Variants in LAMC2 observed in about 807,000 individuals in gnomAD.
The protein encoded by LAMC2 is laminin subunit gamma-2.
LAMC2 carries 97 observed loss-of-function variants against 140.2 expected under a neutral mutation model. That is an observed-to-expected ratio of 0.69 (90% CI 0.59 to 0.82). LAMC2 has a LOEUF of 0.82. Among genes scored for constraint, LAMC2 ranks in the 40% least tolerant of loss-of-function variants. The probability of loss-of-function intolerance (pLI) is 0.00; values close to 1 mark genes in which losing one functional copy is unlikely to be tolerated. For synonymous variants in LAMC2, 513 were observed against 540.2 expected (o/e 0.95, Z 0.70); for missense variants, 1,402 against 1,476.1 (o/e 0.95, Z 0.82).
In LAMC2 at chr1:183,237,333, G is replaced by T. The variant is rs1450452329; in HGVS notation, c.2602-19G>T. ...CTGGTAAGCAGAAGTCAGACTCCCT[G>T]GTTTCTTTGGGCTCATAGGTGGAAG... On this transcript the variant is annotated intron_variant, in intron 17 of 22. Coordinates refer to ENST00000264144, the MANE Select transcript of LAMC2 (RefSeq NM_005562.3). 1.2e-6 allele frequency: 2 copies of T among 1,613,800 alleles called. No homozygotes were observed. Among genetic ancestry groups the T allele is most frequent in the Non-Finnish European group, 1.7e-6 (2 of 1,179,848 alleles).
intron 1 of LAMC2, among the ~76,000 whole-genome samples, chr1:183,201,821 A>G (rs530497168): frequency 6.6e-6 from 1 of 152,340 alleles, no homozygotes; most frequent in East Asian, 1.9e-4. Context: ...TCATCAGCAT[A>G]TCCATATTAA....
chr1:183,216,096 G>A (rs1659245197), intron 3 of LAMC2, among the ~76,000 whole-genome samples: 1 of 152,212 alleles, frequency 6.6e-6, no homozygotes, highest in South Asian at 2.1e-4. Flanking sequence ...CAGAGATGCA[G>A]AGCTGGCAAG....
chr1:183,191,988 A>C (rs1162035719), intron 1 of LAMC2, among the ~76,000 whole-genome samples: 1 of 152,240 alleles, frequency 6.6e-6, no homozygotes, highest in East Asian at 1.9e-4. Context: ...ATCCCCAGAT[A>C]GGTGATGTAA....
intron 1 of LAMC2, among the ~76,000 whole-genome samples, chr1:183,201,393 G>T (rs928066487): frequency 2.6e-5 from 4 of 152,098 alleles, no homozygotes; most frequent in African/African-American, 9.7e-5. Flanking sequence ...ATGAGCTCTA[G>T]AATATACTGA....
At chr1:183,237,658 C>T (rs914002695) in intron 18 of LAMC2, among the ~76,000 whole-genome samples, 154 bp downstream of exon 18, 1 of 152,100 alleles carries the variant, frequency 6.6e-6, no homozygotes, top group African/African-American at 2.4e-5. Flanking sequence ...CCAGGAGGAT[C>T]GCTTGAACTC....
chr1:183,202,255 C>CA, intron 1 of LAMC2, among the ~76,000 whole-genome samples: 1 of 150,860 alleles, frequency 6.6e-6, no homozygotes, highest in South Asian at 2.1e-4. Context: ...ACCACACACA[C>CA]AAAAAAATTA....
rs3738823 is a variant in LAMC2, at chr1:183,236,345, C to T, written c.2457-115C>T. ...ATGAGGCTATAGTGAGCTGTGATCA[C>T]GCCACTGCACTCCAGCCTGGACAAC... On this transcript the variant is annotated intron_variant, in intron 16 of 22. Transcript: ENST00000264144. The T allele has an allele frequency of 0.14, 132,632 of 954,354 alleles. 10,215 individuals carry two copies. Among genetic ancestry groups the T allele is most frequent in the African/African-American group, 0.23 (13,382 of 58,492 alleles). 59.1% of individuals were successfully genotyped at this position (954,354 alleles called of 1,614,324 possible).
intron 15 of LAMC2, 109 bp downstream of exon 15, chr1:183,234,555 C>A: frequency 3.3e-6 from 3 of 908,406 alleles, no homozygotes; most frequent in Non-Finnish European, 3.5e-6. Flanking sequence ...TCTCTCCAGG[C>A]TCCTTTGCAG....
At chr1:183,225,961 C>T (rs568305617) in intron 8 of LAMC2, among the ~76,000 whole-genome samples, 1 of 152,172 alleles carries the variant, frequency 6.6e-6, no homozygotes, top group South Asian at 2.1e-4. Context: ...GCTAAAAGGG[C>T]CACTGAATTT....
the LAMC2 span, among the ~76,000 whole-genome samples, chr1:183,255,035 T>G: frequency 1.3e-5 from 2 of 152,360 alleles, no homozygotes; most frequent in South Asian, 4.1e-4. Context: ...CTTCTGTTTT[T>G]GTTTACTGTT....
Position 183,224,904 on chromosome 1 carries a change from C to T in LAMC2, c.954-704C>T, listed in dbSNP as rs144596622. Among the ~76,000 whole-genome samples the T allele has an allele frequency of 1.9e-3, 293 of 152,266 alleles. 1 individual carries two copies. Among genetic ancestry groups the T allele is most frequent in the African/African-American group, 6.7e-3 (279 of 41,564 alleles). On this transcript the variant is annotated intron_variant, in intron 7 of 22. Coordinates refer to ENST00000264144, the MANE Select transcript of LAMC2 (RefSeq NM_005562.3). Reference sequence around the variant, plus strand: ...GGCATTGTATTATAACTGTGTCTACCCACCTGACTCCCCTGGCTGGATGTG... The same window carrying T: ...GGCATTGTATTATAACTGTGTCTACTCACCTGACTCCCCTGGCTGGATGTG...
chr1:183,248,818 C>A (rs201052020), downstream of LAMC2: 3 of 151,602 alleles, frequency 2.0e-5, no homozygotes, highest in Non-Finnish European at 4.4e-5. Flanking sequence ...CATATTCTAC[C>A]GTTTTATTTT....
downstream of LAMC2, among the ~76,000 whole-genome samples, chr1:183,246,116 G>A (rs1660237058): frequency 6.8e-6 from 1 of 147,902 alleles, no homozygotes; most frequent in Non-Finnish European, 1.5e-5. Flanking sequence ...CTTGCAGTGA[G>A]CCAAGCTCAT....
At chr1:183,206,747 C>T (rs1233963640) in intron 1 of LAMC2, among the ~76,000 whole-genome samples, 2 of 151,984 alleles carry the variant, frequency 1.3e-5, no homozygotes, top group East Asian at 3.9e-4. Flanking sequence ...GATGGCACAT[C>T]TGTTGACTTT....
At chr1:183,196,253 T>A (rs574594259) in intron 1 of LAMC2, among the ~76,000 whole-genome samples, 169 of 152,268 alleles carry the variant, frequency 1.1e-3, no homozygotes, top group Non-Finnish European at 1.6e-3. Flanking sequence ...TTCTCCTGCC[T>A]TAGCCTCCCA....
chr1:183,232,888 A>G, intron 14 of LAMC2, 31 bp downstream of exon 14: 1 of 1,602,672 alleles, frequency 6.2e-7, no homozygotes, highest in Non-Finnish European at 8.5e-7. Flanking sequence ...AGTATTGAGA[A>G]TACTGCTGTG....
intron 2 of LAMC2, among the ~76,000 whole-genome samples, chr1:183,209,013 A>G (rs1248262995): frequency 6.7e-6 from 1 of 148,696 alleles, no homozygotes; most frequent in Non-Finnish European, 1.5e-5. Context: ...AGTATCCCAC[A>G]CAGTGCTATA....
chr1:183,196,978 T>A (rs1324246230), intron 1 of LAMC2, among the ~76,000 whole-genome samples: 1 of 152,180 alleles, frequency 6.6e-6, no homozygotes, highest in Non-Finnish European at 1.5e-5. Flanking sequence ...ACCATGATAG[T>A]CCTTGTAGGC....
At chr1:183,208,481 GA>G (rs1435161630) in intron 2 of LAMC2, among the ~76,000 whole-genome samples, 1 of 152,166 alleles carries the variant, frequency 6.6e-6, no homozygotes, top group African/African-American at 2.4e-5. Flanking sequence ...CCAACCTCTT[GA>G]AAAATAAGGA....
Sources: allele counts gnomAD v4.1 joint callset (sites outside exome capture counted in the v4.1 genomes callset), GRCh38; gene constraint gnomAD v4.1.1; transcripts MANE v1.5; gene names NCBI Gene and HGNC (gene_info 2026-07-23, HGNC 2026-07-21).